The following MNAT1 variants were observed in gnomAD, a reference collection of about 807,000 sequenced individuals.
The protein encoded by MNAT1 is CDK-activating kinase assembly factor MAT1.
MNAT1 carries 43 observed loss-of-function variants against 42.0 expected under a neutral mutation model. The ratio of observed to expected loss-of-function variants is 1.02; its 90% confidence interval spans 0.80 to 1.32. The LOEUF is 1.32. Ranked by LOEUF, MNAT1 falls within the 40% of genes most tolerant of loss-of-function variation. The pLI is 0.00. For missense variants in MNAT1, 306 were observed against 350.4 expected, an observed-to-expected ratio of 0.87 and a Z score of 1.01; for synonymous variants, 118 against 120.0, an observed-to-expected ratio of 0.98 and a Z score of 0.11.
chr14:60,934,127 A>G (rs1376155751), intron 7 of MNAT1, among the ~76,000 whole-genome samples: 2 of 152,204 alleles, frequency 1.3e-5, no homozygotes, highest in African/African-American at 2.4e-5. Context: ...GTTGTTGACA[A>G]TTCATTCGTA....
At chr14:60,797,000 G>GTA (rs1229722283) in intron 2 of MNAT1, among the ~76,000 whole-genome samples, 1 of 151,720 alleles carries the variant, frequency 6.6e-6, no homozygotes, top group Non-Finnish European at 1.5e-5. Flanking sequence ...GTGTATATAT[G>GTA]TATATATATA....
At chr14:60,849,440 A>C (rs913381358) in intron 6 of MNAT1, among the ~76,000 whole-genome samples, 1 of 152,314 alleles carries the variant, frequency 6.6e-6, no homozygotes, top group Middle Eastern at 3.4e-3. Flanking sequence ...AGTCTGCTCT[A>C]AAGATGAATG....
intron 1 of MNAT1, among the ~76,000 whole-genome samples, chr14:60,773,819 G>C (rs1289307019): frequency 1.3e-5 from 2 of 152,192 alleles, no homozygotes; most frequent in African/African-American, 2.4e-5. Context: ...TGCTGTTGAA[G>C]GAACAGTAAT....
At chr14:60,793,907 A>G (rs1422617284) in intron 1 of MNAT1, among the ~76,000 whole-genome samples, 1 of 152,174 alleles carries the variant, frequency 6.6e-6, no homozygotes, top group Non-Finnish European at 1.5e-5. Context: ...GTTACGTAGG[A>G]AAATAAACTG....
chr14:60,874,057 T>G (rs4151288), intron 6 of MNAT1, among the ~76,000 whole-genome samples: 242 of 152,316 alleles, frequency 1.6e-3, no homozygotes, highest in Non-Finnish European at 2.7e-3. Flanking sequence ...ATGTGAAGAT[T>G]TTAAAGGTTT....
At chr14:60,886,340 T>C (rs1319829631) in intron 7 of MNAT1, among the ~76,000 whole-genome samples, 1 of 152,076 alleles carries the variant, frequency 6.6e-6, no homozygotes, top group Admixed American at 6.6e-5. Flanking sequence ...TTTGGTAGTA[T>C]GGACATTTTA....
intron 7 of MNAT1, among the ~76,000 whole-genome samples, chr14:60,884,784 C>A (rs1218332443): frequency 6.6e-6 from 1 of 151,914 alleles, no homozygotes; most frequent in African/African-American, 2.4e-5. Flanking sequence ...TTACCATTAC[C>A]AGTGAATTTT....
At chr14:60,846,024 T>C (rs1467294461) in intron 6 of MNAT1, among the ~76,000 whole-genome samples, 3 of 152,122 alleles carry the variant, frequency 2.0e-5, no homozygotes. Flanking sequence ...AATGAGAGGA[T>C]TTCCAAATAC....
chr14:60,877,411 G>A (rs10148178), intron 6 of MNAT1, among the ~76,000 whole-genome samples: 139,383 of 152,070 alleles, frequency 0.92, 64,558 homozygotes, highest in Non-Finnish European at 0.99. Context: ...AAGGATCTTC[G>A]ATGGTTGTTT....
chr14:60,904,417 C>G (rs1594853383), intron 7 of MNAT1, among the ~76,000 whole-genome samples: 1 of 152,062 alleles, frequency 6.6e-6, no homozygotes, highest in Non-Finnish European at 1.5e-5. Flanking sequence ...TAGAAATGAA[C>G]TCACATATCT....
intron 1 of MNAT1, among the ~76,000 whole-genome samples, chr14:60,747,520 A>G (rs1198018670): frequency 4.6e-5 from 7 of 152,218 alleles, no homozygotes; most frequent in African/African-American, 1.7e-4. Context: ...AATTATATAT[A>G]AACACAGAAA....
chr14:60,890,635 A>G (rs2034819605), intron 7 of MNAT1, among the ~76,000 whole-genome samples: 1 of 152,202 alleles, frequency 6.6e-6, no homozygotes, highest in Non-Finnish European at 1.5e-5. Context: ...TGCCCCTGGC[A>G]AACCACTGGT....
At chr14:60,867,095 C>G (rs2034219168) in intron 6 of MNAT1, among the ~76,000 whole-genome samples, 1 of 152,064 alleles carries the variant, frequency 6.6e-6, no homozygotes, top group South Asian at 2.1e-4. Context: ...TTTTCAGAGA[C>G]TTGGCTTGCC....
intron 6 of MNAT1, among the ~76,000 whole-genome samples, chr14:60,828,010 G>A (rs1279902393): frequency 1.3e-5 from 2 of 152,020 alleles, no homozygotes; most frequent in Non-Finnish European, 2.9e-5. Flanking sequence ...ATAATCCTTG[G>A]TGAGTATTTT....
At chr14:60,948,935 T>A (rs751695077) in intron 7 of MNAT1, among the ~76,000 whole-genome samples, 2 of 151,928 alleles carry the variant, frequency 1.3e-5, no homozygotes, top group African/African-American at 2.4e-5. Flanking sequence ...TAAGATGATT[T>A]CAAAATTTCC....
chr14:60,889,940 G>T (rs1005722812), intron 7 of MNAT1, among the ~76,000 whole-genome samples: 12 of 152,196 alleles, frequency 7.9e-5, no homozygotes, highest in African/African-American at 2.9e-4. Flanking sequence ...TCATTAAAAA[G>T]TCAGGAAACA....
chr14:60,858,957 C>A (rs2034030059), intron 6 of MNAT1, among the ~76,000 whole-genome samples: 1 of 152,176 alleles, frequency 6.6e-6, no homozygotes, highest in Admixed American at 6.5e-5. Flanking sequence ...CACTTTATGG[C>A]AAGGGTCTAC....
chr14:60,927,822 G>A (rs2035797509), intron 7 of MNAT1, among the ~76,000 whole-genome samples: 3 of 152,102 alleles, frequency 2.0e-5, no homozygotes, highest in Admixed American at 2.0e-4. Context: ...TTTACCCAAT[G>A]AGTATCTCAT....
At chr14:60,739,069 G>C (rs1448476558) in intron 1 of MNAT1, among the ~76,000 whole-genome samples, 1 of 152,052 alleles carries the variant, frequency 6.6e-6, no homozygotes, top group Non-Finnish European at 1.5e-5. Context: ...TCACTCATGT[G>C]GCTCTTGTCA....
Sources: allele counts gnomAD v4.1 joint callset (sites outside exome capture counted in the v4.1 genomes callset), GRCh38; gene constraint gnomAD v4.1.1; transcripts MANE v1.5; gene names NCBI Gene and HGNC (gene_info 2026-07-23, HGNC 2026-07-21).